Variants in SPTBN1 observed in about 807,000 individuals in gnomAD.
SPTBN1 encodes spectrin beta chain, non-erythrocytic 1.
In SPTBN1, 32 loss-of-function variants were observed where a neutral mutation model predicts 266.4. The ratio of observed to expected loss-of-function variants is 0.12; its 90% CI spans 0.09 to 0.16. The LOEUF (loss-of-function observed/expected upper bound fraction) is 0.16. Ranked by LOEUF, SPTBN1 falls within the 10% of genes least tolerant of loss-of-function variation. The pLI, the probability that SPTBN1 is intolerant of heterozygous loss-of-function variation, is 1.00. For synonymous variants in SPTBN1, 1,336 were observed against 1,162.2 expected (o/e 1.15, Z -3.04); for missense variants, 2,296 against 3,067.1 (o/e 0.75, Z 5.94).
intron 2 of SPTBN1, among the ~76,000 whole-genome samples, chr2:54,539,379 AT>A (rs1260409333): frequency 7.9e-5 from 12 of 152,230 alleles, no homozygotes; most frequent in African/African-American, 2.9e-4. Context: ...GCATTATAAA[AT>A]CATGTATTAC....
chr2:54,474,374 G>A lies in SPTBN1; in HGVS notation c.-48+17856G>A, dbSNP rs150523091. ...CAGTGTGTAGTTAAAAGTGCTGACC[G>A]TGGAGCTGTGGTGCCTGGGTCTAAA... On this transcript the variant is annotated intron_variant, in intron 1 of 35. Coordinates refer to ENST00000356805, the MANE Select transcript of SPTBN1 (RefSeq NM_003128.3). Among the ~76,000 whole-genome samples, 329 of 152,132 alleles carry A rather than the reference G, an allele frequency of 2.2e-3. 4 individuals carry two copies. Among genetic ancestry groups the A allele is most frequent in the African/African-American group, 7.6e-3 (316 of 41,434 alleles).
Position 54,552,491 on chromosome 2 carries a change from C to G in SPTBN1, c.148+25925C>G, listed in dbSNP as rs559244284. 4.7e-3 allele frequency among the ~76,000 whole-genome samples: 698 copies of G among 149,886 alleles called. 3 individuals carry two copies. Among genetic ancestry groups the G allele is most frequent in the African/African-American group, 0.016 (665 of 40,606 alleles). Reference sequence around the variant, plus strand: ...TTTTTTTTTTTGAGATGGAGTCTCGCTGTCACCCAGGCTGGAGTGCAGTGG... The same window carrying G: ...TTTTTTTTTTTGAGATGGAGTCTCGGTGTCACCCAGGCTGGAGTGCAGTGG... On this transcript the variant is annotated intron_variant, in intron 2 of 35. Transcript: ENST00000356805.
Position 54,613,292 on chromosome 2 carries a change from C to A in SPTBN1, c.474+958C>A, listed in dbSNP as rs189011631. On this transcript the variant is annotated intron_variant, in intron 4 of 35. Coordinates refer to ENST00000356805, the MANE Select transcript of SPTBN1 (RefSeq NM_003128.3). ...TCTCTTGCCATTCCTTCCTGTTCTGCCCCTTTAATAAAGATCTGTTTTGAT... is the reference window on the plus strand; with the variant it reads ...TCTCTTGCCATTCCTTCCTGTTCTGACCCTTTAATAAAGATCTGTTTTGAT... Among the ~76,000 whole-genome samples the A allele has an allele frequency of 2.8e-3, 335 of 121,216 alleles. 2 individuals are homozygous for A. The highest frequency in any genetic ancestry group is 3.0e-3 in the Non-Finnish European group (175 of 58,858). 79.5% of individuals were successfully genotyped at this position (121,216 alleles called of 152,430 possible).
At chr2:54,634,161 G>T (rs1678954489) in intron 17 of SPTBN1, among the ~76,000 whole-genome samples, 1 of 152,200 alleles carries the variant, frequency 6.6e-6, no homozygotes, top group African/African-American at 2.4e-5. Flanking sequence ...GTTTCCTGCA[G>T]GCGGGCTTGG....
At chr2:54,654,963 T>A in intron 27 of SPTBN1, 107 bp from the exon 28 acceptor site, 1 of 634,890 alleles carries the variant, frequency 1.6e-6, no homozygotes, top group South Asian at 3.2e-5. Flanking sequence ...GACCATCAGT[T>A]TCTTTCAAGG....
chr2:54,657,744 T>A, intron 29 of SPTBN1, 106 bp from the exon 30 acceptor site: 1 of 1,337,698 alleles, frequency 7.5e-7, no homozygotes, highest in Non-Finnish European at 1.1e-6. Context: ...GATAGACTGG[T>A]TATGCAGGTA....
At chr2:54,486,443 C>A (rs1388460191) in intron 1 of SPTBN1, among the ~76,000 whole-genome samples, 50 of 152,148 alleles carry the variant, frequency 3.3e-4, no homozygotes, top group Non-Finnish European at 6.6e-4. Flanking sequence ...GCTCTCTGAA[C>A]CATGTGCTGT....
At chr2:54,541,642 A>G (rs1457562787) in intron 2 of SPTBN1, among the ~76,000 whole-genome samples, 1 of 152,180 alleles carries the variant, frequency 6.6e-6, no homozygotes, top group East Asian at 1.9e-4. Context: ...ACTGAATTTT[A>G]TGATGGGGGA....
At position 54,664,257 on chromosome 2, in the gene SPTBN1, G is replaced by A. The variant is rs1681231255; in HGVS notation, c.6421-196G>A. ...TCGCTTTTCTCATTTCCCTGTAAAT[G>A]GGCGGGTATTAATCCATTCCCACCT... On this transcript the variant is annotated intron_variant, in intron 32 of 35. Transcript: ENST00000356805. The surrounding 1 kb of genome is among the most constrained non-coding windows in gnomAD (Gnocchi z 5.6). 1 of 586,774 alleles carries A rather than the reference G, an allele frequency of 1.7e-6. No homozygotes were observed. The highest frequency in any genetic ancestry group is 2.6e-5 in the East Asian group (1 of 37,828). 36.3% of individuals were successfully genotyped at this position (586,774 alleles called of 1,614,324 possible).
At chr2:54,461,234 CAT>C (rs1693353340) in intron 1 of SPTBN1, among the ~76,000 whole-genome samples, 1 of 152,212 alleles carries the variant, frequency 6.6e-6, no homozygotes, top group Admixed American at 6.5e-5. Context: ...TTCTGACTCA[CAT>C]ATTTAGATTA....
chr2:54,563,684 A>C (rs776293217), intron 2 of SPTBN1, among the ~76,000 whole-genome samples: 18 of 128,760 alleles, frequency 1.4e-4, no homozygotes, highest in Non-Finnish European at 2.6e-4. Flanking sequence ...GCTCACTGCA[A>C]CCTCTGCCTT....
At chr2:54,549,519 G>C (rs533955693) in intron 2 of SPTBN1, among the ~76,000 whole-genome samples, 5 of 152,214 alleles carry the variant, frequency 3.3e-5, no homozygotes, top group Admixed American at 1.3e-4. Context: ...TAGCCAGTCA[G>C]TGTTAAAAGC....
In SPTBN1 at chr2:54,632,638, G is replaced by A. The variant is rs1678827782; in HGVS notation, c.3637G>A (p.Asp1213Asn). 1.9e-6 allele frequency: 3 copies of A among 1,614,188 alleles called. No homozygotes were observed. The highest frequency in any genetic ancestry group is 2.2e-5 in the East Asian group (1 of 44,882). ...GAEAAIKKQE[D>N]FMTTMDANEE... ...TGAAGCAGCAATTAAAAAGCAAGAG[G>A]ACTTCATGACCACCATGGACGCCAA... The change falls in exon 17 of 36, where the codon GAC becomes AAC. Residue 1213 changes from aspartate to asparagine, a missense_variant. Transcript: ENST00000356805.
chr2:54,623,446 C>A (rs1365312605), intron 9 of SPTBN1, 33 bp from the exon 10 acceptor site: 9 of 1,593,456 alleles, frequency 5.6e-6, no homozygotes, highest in Non-Finnish European at 6.9e-6. Flanking sequence ...TTTTTTTCTC[C>A]AGTACCAAAT....
intron 2 of SPTBN1, among the ~76,000 whole-genome samples, chr2:54,553,977 T>C (rs1004015612): frequency 8.5e-5 from 13 of 152,160 alleles, no homozygotes; most frequent in African/African-American, 3.1e-4. Flanking sequence ...CCACCAAGTA[T>C]GAGAAGAGGA....
intron 2 of SPTBN1, among the ~76,000 whole-genome samples, chr2:54,592,396 T>TC (rs1343826025): frequency 2.0e-5 from 3 of 148,468 alleles, no homozygotes; most frequent in Non-Finnish European, 4.5e-5. Flanking sequence ...TTCTTTTTTT[T>TC]TATCTGAGAC....
chr2:54,656,070 A>C, intron 29 of SPTBN1, 72 bp downstream of exon 29: 3 of 1,300,392 alleles, frequency 2.3e-6, no homozygotes, highest in Non-Finnish European at 3.3e-6. Flanking sequence ...TTCTTGCTTT[A>C]ATTCATTAAT....
chr2:54,526,529 G>A lies in SPTBN1; in HGVS notation c.111G>A (p.Ala37=), dbSNP rs778135869. The change falls in exon 2 of 36, where the codon GCG becomes GCA. Residue 37 remains alanine (A), a synonymous_variant. Transcript: ENST00000356805. ...ACTGGGACAATGAGAACAGCTCTGC[G>A]CGGCTTTTTGAGCGGTCCCGCATCA... is the stretch of plus-strand genomic sequence containing the variant. ...VDDWDNENSS[A]RLFERSRIKA... is the part of the protein sequence containing the mutation. The A allele has an allele frequency of 6.8e-6, 11 of 1,614,086 alleles. No homozygotes were observed. The highest frequency in any genetic ancestry group is 1.1e-5 in the South Asian group (1 of 91,074).
rs768227390 is a variant in SPTBN1, at chr2:54,646,857, G to T, written c.4867-274G>T. On this transcript the variant is annotated intron_variant, in intron 23 of 35. Coordinates refer to ENST00000356805, the MANE Select transcript of SPTBN1 (RefSeq NM_003128.3). The surrounding 1 kb of genome is among the most constrained non-coding windows in gnomAD (Gnocchi z 4.4). The stretch of plus-strand genomic sequence containing the variant: ...TTGAGGGACCTTGAGGAATTCCAGC[G>T]AACCAGGCACACTTGGTCTGCCCAA... 2.6e-5 allele frequency among the ~76,000 whole-genome samples: 4 copies of T among 152,176 alleles called. No homozygotes were observed. The highest frequency in any genetic ancestry group is 4.8e-5 in the African/African-American group (2 of 41,448).
Sources: allele counts gnomAD v4.1 joint callset (sites outside exome capture counted in the v4.1 genomes callset), GRCh38; gene constraint gnomAD v4.1.1; non-coding constraint Gnocchi (gnomAD v3.1); transcripts MANE v1.5; gene names NCBI Gene and HGNC (gene_info 2026-07-23, HGNC 2026-07-21).